The following PPP4R4 variants were observed in gnomAD, a reference collection of about 807,000 sequenced individuals.
PPP4R4 encodes serine/threonine-protein phosphatase 4 regulatory subunit 4.
PPP4R4 carries 70 observed loss-of-function variants against 121.8 expected under a neutral mutation model. The observed-to-expected ratio is 0.57, with a 90% CI of 0.47 to 0.70. PPP4R4 has a LOEUF of 0.70. Ranked by LOEUF, PPP4R4 falls within the 30% of genes least tolerant of loss-of-function variation. The pLI, the probability that PPP4R4 is intolerant of heterozygous loss-of-function variation, is 0.00. For synonymous variants in PPP4R4, 348 were observed against 355.7 expected (o/e 0.98, Z 0.24); for missense variants, 875 against 1,033.6 (o/e 0.85, Z 2.10).
intron 3 of PPP4R4, 65 bp from the exon 4 acceptor site, chr14:94,230,522 T>A: frequency 6.9e-7 from 1 of 1,453,368 alleles, no homozygotes; most frequent in Non-Finnish European, 9.4e-7. Flanking sequence ...CAACCTTGGA[T>A]TTTTAAAAAT....
chr14:94,178,201 C>G (rs1256022656), intron 2 of PPP4R4, among the ~76,000 whole-genome samples: 2 of 152,074 alleles, frequency 1.3e-5, no homozygotes, highest in Non-Finnish European at 2.9e-5. Flanking sequence ...TGTATTGAGC[C>G]TGCTATTGTA....
At position 94,245,593 on chromosome 14, in the gene PPP4R4, G is replaced by A; in HGVS notation, c.1351G>A (p.Asp451Asn). The A allele has an allele frequency of 2.5e-6, 4 of 1,571,250 alleles. No individual in the cohort carries two copies. Among genetic ancestry groups the A allele is most frequent in the Non-Finnish European group, 3.5e-6 (4 of 1,145,436 alleles). The change falls in exon 13 of 25, where the codon GAT (aspartate) becomes AAT (asparagine). Residue 451 changes from aspartate (D) to asparagine (N), a missense_variant. Asp to Asn is a conservative substitution (Grantham distance 23). Transcript: ENST00000304338. ...TCAATATCTCTGTTAAAAGGTACTA[G>A]ATGCTCTTATAGATCATCTTCCAGA... ...LLQDESLEVL[D>N]ALIDHLPEIL...
At chr14:94,230,498 CTA>C in intron 3 of PPP4R4, 87 bp from the exon 4 acceptor site, 2 of 1,221,754 alleles carry the variant, frequency 1.6e-6, no homozygotes, top group Admixed American at 4.9e-5. Flanking sequence ...TGGAATATGA[CTA>C]TTTAGTTTCT....
chr14:94,215,553 A>C (rs1890977219), intron 3 of PPP4R4, among the ~76,000 whole-genome samples: 1 of 152,216 alleles, frequency 6.6e-6, no homozygotes, highest in Non-Finnish European at 1.5e-5. Context: ...ACTGATAGGA[A>C]GGAATGTAAA....
chr14:94,267,173 C>T (rs752033837), intron 23 of PPP4R4, 144 bp downstream of exon 23: 8 of 557,746 alleles, frequency 1.4e-5, no homozygotes, highest in Admixed American at 3.6e-5. Flanking sequence ...AAACTTTTGT[C>T]TAGCAATTGA....
At chr14:94,244,209 A>C (rs1220054040) in intron 11 of PPP4R4, among the ~76,000 whole-genome samples, 1 of 152,104 alleles carries the variant, frequency 6.6e-6, no homozygotes, top group East Asian at 1.9e-4. Context: ...AGTTATAACT[A>C]CCCCGACATC....
intron 3 of PPP4R4, among the ~76,000 whole-genome samples, chr14:94,212,372 ATAAC>A (rs1274781846): frequency 1.3e-5 from 2 of 152,170 alleles, no homozygotes. Context: ...GCTGTCTAGA[ATAAC>A]TAACAAAGAA....
intron 16 of PPP4R4, among the ~76,000 whole-genome samples, chr14:94,255,462 A>C (rs1893416966): frequency 6.6e-6 from 1 of 152,082 alleles, no homozygotes; most frequent in African/African-American, 2.4e-5. Flanking sequence ...TTAGCCAGGC[A>C]TGGTGGCGGG....
At chr14:94,240,049 T>C (rs1892545382) in intron 8 of PPP4R4, among the ~76,000 whole-genome samples, 1 of 152,168 alleles carries the variant, frequency 6.6e-6, no homozygotes, top group Admixed American at 6.5e-5. Flanking sequence ...ATTTCTGAAA[T>C]TTAAGAAAAC....
chr14:94,267,050 T>A lies in PPP4R4; in HGVS notation c.2449+21T>A, dbSNP rs1365144785. On this transcript the variant is annotated intron_variant, in intron 23 of 24. Coordinates refer to ENST00000304338, the MANE Select transcript of PPP4R4 (RefSeq NM_058237.2). ...AGCTGGTAAGTAGCAATCTAAGTTC[T>A]TCAAAAAGTTGCTAAATTTAACAAA... is the stretch of plus-strand genomic sequence containing the variant. 3.3e-6 allele frequency: 5 copies of A among 1,518,462 alleles called. No homozygotes were observed. In the Admixed American group the frequency reaches 9.3e-5, roughly 28 times the overall value. 94.1% of individuals were successfully genotyped at this position (1,518,462 alleles called of 1,614,324 possible).
intron 12 of PPP4R4, 22 bp downstream of exon 12, chr14:94,244,734 A>AT: frequency 6.8e-7 from 1 of 1,470,102 alleles, no homozygotes; most frequent in African/African-American, 1.4e-5. Context: ...TTACTCTTTG[A>AT]TTTTTAATTC....
intron 1 of PPP4R4, among the ~76,000 whole-genome samples, chr14:94,174,989 G>A (rs1888596819): frequency 2.2e-5 from 2 of 90,932 alleles, no homozygotes; most frequent in Admixed American, 1.4e-4. Flanking sequence ...CCCCCCCAAA[G>A]GAGCTGCCCC....
At chr14:94,177,962 A>G (rs1379295809) in intron 2 of PPP4R4, among the ~76,000 whole-genome samples, 1 of 152,184 alleles carries the variant, frequency 6.6e-6, no homozygotes, top group African/African-American at 2.4e-5. Context: ...CAAGGGGAAC[A>G]CTGGTTTGGT....
intron 2 of PPP4R4, among the ~76,000 whole-genome samples, chr14:94,198,917 A>G (rs569580962): frequency 1.2e-4 from 18 of 152,226 alleles, no homozygotes; most frequent in African/African-American, 3.6e-4. Flanking sequence ...TTGTAGCTCT[A>G]CTGTTGTAGC....
Position 94,278,911 on chromosome 14 carries a change from A to T in PPP4R4, c.*268A>T. 1 of 240,432 alleles carries T rather than the reference A, an allele frequency of 4.2e-6. No homozygotes were observed. Among genetic ancestry groups the T allele is most frequent in the Non-Finnish European group, 8.0e-6 (1 of 125,674 alleles). The allele number at this position is 240,432 out of a possible 1,614,324, so 14.9% of individuals were successfully genotyped here. Reference sequence around the variant, plus strand: ...GTTATAGTGAAGTGTAATGAAAAACATCTCTAGGAATGTGCTTTAACCACT... The same window carrying T: ...GTTATAGTGAAGTGTAATGAAAAACTTCTCTAGGAATGTGCTTTAACCACT... On this transcript the variant is annotated 3_prime_UTR_variant, in exon 25 of 25. Transcript: ENST00000304338.
intron 2 of PPP4R4, among the ~76,000 whole-genome samples, chr14:94,178,373 G>C (rs1950844): frequency 4.0e-5 from 6 of 149,376 alleles, no homozygotes; most frequent in Non-Finnish European, 8.9e-5. Context: ...TTTTCTCTCT[G>C]CTTTTATGTG....
intron 3 of PPP4R4, chr14:94,227,318 A>G (rs1351511992): frequency 6.2e-7 from 1 of 1,612,582 alleles, no homozygotes; most frequent in Non-Finnish European, 8.5e-7. Context: ...TTATCCAGAG[A>G]GTATGGATCT....
chr14:94,208,944 A>G (rs1243116), intron 3 of PPP4R4, among the ~76,000 whole-genome samples: 68,878 of 151,568 alleles, frequency 0.45, 18,251 homozygotes, highest in Non-Finnish European at 0.61. Context: ...TGATATTCCT[A>G]ATAATTGACC....
At chr14:94,251,089 C>T (rs559133789) in intron 15 of PPP4R4, among the ~76,000 whole-genome samples, 2 of 151,976 alleles carry the variant, frequency 1.3e-5, no homozygotes, top group East Asian at 3.9e-4. Context: ...TTTTCAGTGG[C>T]AAGAGCTCAT....
Sources: allele counts gnomAD v4.1 joint callset (sites outside exome capture counted in the v4.1 genomes callset), GRCh38; gene constraint gnomAD v4.1.1; transcripts MANE v1.5; gene names NCBI Gene and HGNC (gene_info 2026-07-23, HGNC 2026-07-21).